Variants in SFMBT2 observed in about 807,000 individuals in gnomAD.
The protein encoded by SFMBT2 is Scm like with four mbt domains 2.
A neutral mutation model predicts 110.1 loss-of-function variants in SFMBT2; 38 were observed. The observed-to-expected ratio is 0.35, with a 90% CI of 0.27 to 0.45. SFMBT2 has a LOEUF of 0.45. Among genes scored for constraint, SFMBT2 ranks in the 20% least tolerant of loss-of-function variants. SFMBT2 has a pLI of 1.00. For missense variants in SFMBT2, 1,011 were observed against 1,094.9 expected (o/e 0.92, Z 1.08); for synonymous variants, 425 against 425.4 (o/e 1.00, Z 0.01).
At chr10:7,246,694 G>A (rs1362943552) in intron 8 of SFMBT2, among the ~76,000 whole-genome samples, 5 of 147,824 alleles carry the variant, frequency 3.4e-5, no homozygotes, top group East Asian at 2.0e-4. Flanking sequence ...ACTCTAGCCT[G>A]GGTGACGGAG....
chr10:7,334,103 T>A (rs1564445541), intron 4 of SFMBT2, among the ~76,000 whole-genome samples: 1 of 152,130 alleles, frequency 6.6e-6, no homozygotes, highest in African/African-American at 2.4e-5. Flanking sequence ...AGGGAGTTCA[T>A]CTCAGGACAC....
At chr10:7,371,852 C>T (rs1845072539) in intron 2 of SFMBT2, among the ~76,000 whole-genome samples, 1 of 151,576 alleles carries the variant, frequency 6.6e-6, no homozygotes, top group Non-Finnish European at 1.5e-5. Context: ...ATCAGATAGG[C>T]CAGGGGACAT....
chr10:7,320,028 G>A (rs1843135497), intron 4 of SFMBT2, among the ~76,000 whole-genome samples: 1 of 151,448 alleles, frequency 6.6e-6, no homozygotes, highest in African/African-American at 2.4e-5. Flanking sequence ...GAGACAGAAA[G>A]AGAAAGAGAG....
intron 4 of SFMBT2, among the ~76,000 whole-genome samples, chr10:7,325,460 C>T (rs982187195): frequency 6.6e-6 from 1 of 152,218 alleles, no homozygotes; most frequent in African/African-American, 2.4e-5. Flanking sequence ...GTCATCACCT[C>T]TGTGTAAGGA....
chr10:7,271,097 G>A (rs928314393), intron 7 of SFMBT2, among the ~76,000 whole-genome samples: 16 of 151,890 alleles, frequency 1.1e-4, no homozygotes, highest in African/African-American at 3.4e-4. Context: ...CCAGCCTGGC[G>A]AACATGGTGA....
chr10:7,207,861 T>C (rs2762600), intron 11 of SFMBT2, among the ~76,000 whole-genome samples: 132,708 of 152,280 alleles, frequency 0.87, 58,944 homozygotes, highest in East Asian at 1. Context: ...CAGGTGCTTA[T>C]ACACACATAC....
chr10:7,308,161 C>T (rs1249190891), intron 4 of SFMBT2, among the ~76,000 whole-genome samples: 1 of 152,136 alleles, frequency 6.6e-6, no homozygotes, highest in African/African-American at 2.4e-5. Flanking sequence ...TTGAGACCAG[C>T]CCAGGCAACA....
intron 7 of SFMBT2, among the ~76,000 whole-genome samples, chr10:7,261,472 G>C (rs1841200603): frequency 6.6e-6 from 1 of 152,200 alleles, no homozygotes; most frequent in South Asian, 2.1e-4. Flanking sequence ...CTGAGGATCA[G>C]GGAGTGCATG....
chr10:7,212,815 G>C (rs1839394558), intron 11 of SFMBT2, among the ~76,000 whole-genome samples: 1 of 152,186 alleles, frequency 6.6e-6, no homozygotes, highest in Non-Finnish European at 1.5e-5. Context: ...CGATAGCAAA[G>C]ACTTGCAACC....
At chr10:7,355,947 T>G (rs1844494916) in intron 4 of SFMBT2, among the ~76,000 whole-genome samples, 1 of 152,246 alleles carries the variant, frequency 6.6e-6, no homozygotes. Flanking sequence ...AAAAATTTAT[T>G]ATATTTGTGC....
Position 7,225,799 on chromosome 10 carries a change from G to A in SFMBT2, c.1203+2056C>T, listed in dbSNP as rs192865447. 5.6e-4 allele frequency among the ~76,000 whole-genome samples: 86 copies of A among 152,274 alleles called. 1 individual carries two copies. The highest frequency in any genetic ancestry group is 6.8e-4 in the Non-Finnish European group (46 of 68,030). Reference sequence around the variant, plus strand: ...ATTTTCTTCCAAAAGTTAATGATTCGGGGAAGGAATATTTCTCTTTGTACC... The same window carrying A: ...ATTTTCTTCCAAAAGTTAATGATTCAGGGAAGGAATATTTCTCTTTGTACC... On this transcript the variant is annotated intron_variant, in intron 10 of 20. Transcript: ENST00000397167.
At chr10:7,217,197 G>A (rs1207323046) in intron 11 of SFMBT2, among the ~76,000 whole-genome samples, 2 of 152,130 alleles carry the variant, frequency 1.3e-5, no homozygotes, top group African/African-American at 4.8e-5. Context: ...ACTTTAACGG[G>A]GAGAGAGTTT....
chr10:7,370,290 T>C lies in SFMBT2; in HGVS notation c.186A>G (p.Ser62=), dbSNP rs145261895. 3.1e-4 allele frequency: 495 copies of C among 1,613,890 alleles called. 5 individuals carry two copies. The East Asian group carries it at 8.4e-3, about 27-fold the overall frequency. The change falls in exon 3 of 21, where the codon TCA becomes TCG. Residue 62 remains serine, a synonymous_variant. Coordinates refer to ENST00000397167, the MANE Select transcript of SFMBT2 (RefSeq NM_001387889.1). The part of the protein sequence containing the change: ...ETGASAAPHT[S]FKHVEISIQS... ...AAGCTGCTTTACATACGTGTTTGAATGATGTGTGGGGAGCAGCACTTGCTC... is the reference window on the plus strand; with the variant it reads ...AAGCTGCTTTACATACGTGTTTGAACGATGTGTGGGGAGCAGCACTTGCTC...
chr10:7,366,897 T>C (rs549153500), intron 4 of SFMBT2, among the ~76,000 whole-genome samples: 2 of 152,266 alleles, frequency 1.3e-5, no homozygotes, highest in Admixed American at 6.5e-5. Flanking sequence ...GCAACTCCCA[T>C]GGCCCTGACC....
chr10:7,261,547 G>A (rs772071008), intron 7 of SFMBT2, among the ~76,000 whole-genome samples: 6 of 152,210 alleles, frequency 3.9e-5, no homozygotes, highest in Admixed American at 1.3e-4. Context: ...TGGGGGTTAC[G>A]TATGCAGGCA....
chr10:7,213,636 G>A (rs1426964714), intron 11 of SFMBT2, among the ~76,000 whole-genome samples: 1 of 152,264 alleles, frequency 6.6e-6, no homozygotes, highest in African/African-American at 2.4e-5. Context: ...AAATGCTGCT[G>A]CCACGTGGAG....
rs751069958 is a variant in SFMBT2, at chr10:7,276,906, T to C, written c.856A>G (p.Met286Val). Residue 286 changes from methionine to valine, a missense_variant, in exon 7 of 21, where the codon ATG becomes GTG. This residue lies in a region of SFMBT2 where 979 missense variants were observed against 1,016.1 expected (regional missense o/e 0.96). Transcript: ENST00000397167. ...LIDAAKFPLP[M>V]EVFKDHADLR... ...CAACATCTTACCTTAAACACTTCCA[T>C]TGGAAGAGGAAATTTGGCAGCATCA... 2.4e-5 allele frequency: 21 copies of C among 871,802 alleles called. No homozygotes were observed. The highest frequency in any genetic ancestry group is 1.2e-4 in the Admixed American group (7 of 59,168). 54.0% of individuals were successfully genotyped at this position (871,802 alleles called of 1,614,324 possible).
At chr10:7,365,893 G>A (rs1434555281) in intron 4 of SFMBT2, among the ~76,000 whole-genome samples, 1 of 152,208 alleles carries the variant, frequency 6.6e-6, no homozygotes, top group Non-Finnish European at 1.5e-5. Flanking sequence ...AGTAATAATG[G>A]TTGCACAACC....
At chr10:7,319,879 GGAGA>G (rs1338819972) in intron 4 of SFMBT2, among the ~76,000 whole-genome samples, 3 of 108,508 alleles carry the variant, frequency 2.8e-5, no homozygotes, top group Non-Finnish European at 5.7e-5. Flanking sequence ...AGACAGAGAG[GGAGA>G]GAGACAGAGA....
Sources: allele counts gnomAD v4.1 joint callset (sites outside exome capture counted in the v4.1 genomes callset), GRCh38; gene constraint gnomAD v4.1.1; regional missense constraint gnomAD v4.1.1; transcripts MANE v1.5; gene names NCBI Gene and HGNC (gene_info 2026-07-23, HGNC 2026-07-21).